TENM3: variants seen among roughly 807,000 people sequenced by gnomAD.
TENM3 encodes teneurin transmembrane protein 3.
A neutral mutation model predicts 255.1 loss-of-function variants in TENM3; 63 were observed. That is an observed-to-expected ratio of 0.25 (90% CI 0.20 to 0.30). The LOEUF (loss-of-function observed/expected upper bound fraction) is 0.30, where lower values mean the gene tolerates loss of function less well. Among genes scored for constraint, TENM3 ranks in the 10% least tolerant of loss-of-function variants. The pLI, the probability that TENM3 is intolerant of heterozygous loss-of-function variation, is 1.00. For missense variants in TENM3, 2,929 were observed against 3,461.1 expected (o/e 0.85, Z 3.86); for synonymous variants, 1,306 against 1,322.3 (o/e 0.99, Z 0.27).
the TENM3 span, among the ~76,000 whole-genome samples, chr4:181,863,603 C>T: frequency 6.6e-6 from 1 of 152,232 alleles, no homozygotes; most frequent in African/African-American, 2.4e-5. Flanking sequence ...CCTTTACACT[C>T]GTCCTTGGGT....
intron 3 of TENM3, among the ~76,000 whole-genome samples, chr4:182,364,338 A>G (rs781504177): frequency 6.6e-6 from 1 of 152,156 alleles, no homozygotes; most frequent in African/African-American, 2.4e-5. Context: ...TAGGATTTAC[A>G]CTTTTATTCT....
At chr4:182,120,482 A>G in the TENM3 span, among the ~76,000 whole-genome samples, 1 of 152,200 alleles carries the variant, frequency 6.6e-6, no homozygotes, top group African/African-American at 2.4e-5. Flanking sequence ...ACGTGTGTGT[A>G]TATACACATG....
At chr4:182,387,751 G>A (rs1768071304) in intron 3 of TENM3, among the ~76,000 whole-genome samples, 1 of 151,424 alleles carries the variant, frequency 6.6e-6, no homozygotes. Context: ...GCGAGACCAC[G>A]AACCCACCAG....
At chr4:182,580,677 G>A (rs940569516) in intron 3 of TENM3, among the ~76,000 whole-genome samples, 1 of 152,144 alleles carries the variant, frequency 6.6e-6, no homozygotes, top group Non-Finnish European at 1.5e-5. Context: ...GGAAGGCATG[G>A]CAGGTATCAT....
At chr4:181,579,836 C>T in the TENM3 span, among the ~76,000 whole-genome samples, 595 of 152,230 alleles carry the variant, frequency 3.9e-3, 6 homozygotes, top group African/African-American at 0.014. Flanking sequence ...TTTCTTCCTT[C>T]ATAGTAAACC....
the TENM3 span, among the ~76,000 whole-genome samples, chr4:181,532,429 A>G: frequency 6.6e-6 from 1 of 152,146 alleles, no homozygotes; most frequent in Non-Finnish European, 1.5e-5. Context: ...AAGGTGATTC[A>G]TCATGCCATC....
At chr4:181,618,906 G>A in the TENM3 span, among the ~76,000 whole-genome samples, 1 of 152,202 alleles carries the variant, frequency 6.6e-6, no homozygotes, top group Non-Finnish European at 1.5e-5. Context: ...AGCAAAACAA[G>A]ACTGCTTGCT....
At chr4:181,906,468 G>A in the TENM3 span, 2 of 168,602 alleles carry the variant, frequency 1.2e-5, no homozygotes, top group African/African-American at 4.8e-5. Flanking sequence ...AGGAGTGATA[G>A]TTATTACTTA....
the TENM3 span, among the ~76,000 whole-genome samples, chr4:181,561,625 T>C: frequency 1.3e-5 from 2 of 152,248 alleles, no homozygotes; most frequent in Non-Finnish European, 2.9e-5. Flanking sequence ...CCTTGTTTTC[T>C]TTTGAACAAC....
At chr4:181,596,983 AGTAC>A in the TENM3 span, among the ~76,000 whole-genome samples, 2 of 152,158 alleles carry the variant, frequency 1.3e-5, no homozygotes, top group Non-Finnish European at 2.9e-5. Flanking sequence ...ACTATTTGGT[AGTAC>A]TTAATATTAA....
the TENM3 span, among the ~76,000 whole-genome samples, chr4:181,643,428 A>C: frequency 6.6e-6 from 1 of 152,198 alleles, no homozygotes; most frequent in African/African-American, 2.4e-5. Context: ...CAATCATGTC[A>C]TCTGCAAACA....
intron 3 of TENM3, among the ~76,000 whole-genome samples, chr4:182,463,015 T>A (rs1012082933): frequency 2.0e-5 from 3 of 152,176 alleles, no homozygotes; most frequent in Non-Finnish European, 4.4e-5. Flanking sequence ...GCAGTCATCC[T>A]ACACAACCCA....
intron 1 of TENM3, among the ~76,000 whole-genome samples, chr4:182,295,025 G>T (rs528012341): frequency 6.6e-6 from 1 of 152,094 alleles, no homozygotes; most frequent in African/African-American, 2.4e-5. Flanking sequence ...GCTACAGTTT[G>T]ACATTTTGAT....
chr4:181,785,090 A>G, the TENM3 span, among the ~76,000 whole-genome samples: 1 of 152,180 alleles, frequency 6.6e-6, no homozygotes, highest in African/African-American at 2.4e-5. Flanking sequence ...GAGGATTTAG[A>G]AAAGGCTTAA....
the TENM3 span, chr4:181,906,040 T>A: frequency 2.3e-6 from 1 of 435,910 alleles, no homozygotes; most frequent in Non-Finnish European, 4.5e-6. Context: ...CAAGTTCTGT[T>A]CTCTCTCAAC....
intron 1 of TENM3, among the ~76,000 whole-genome samples, chr4:182,200,826 C>CT (rs11389090): frequency 0.87 from 117,167 of 135,376 alleles, 51,682 homozygotes; most frequent in Non-Finnish European, 0.95. Context: ...ACTAGAGTGC[C>CT]TTTTTTTTTT....
intron 1 of TENM3, among the ~76,000 whole-genome samples, chr4:182,216,269 T>C (rs1755460342): frequency 6.6e-6 from 1 of 152,226 alleles, no homozygotes; most frequent in Admixed American, 6.5e-5. Flanking sequence ...GGTTTTCTTA[T>C]GGATTCAAAT....
At chr4:182,728,018 G>T (rs115154161) in intron 13 of TENM3, among the ~76,000 whole-genome samples, 2 of 151,758 alleles carry the variant, frequency 1.3e-5, no homozygotes, top group African/African-American at 4.8e-5. Context: ...CTGTCACCCC[G>T]CCTGGCTAAT....
At chr4:181,802,149 A>G in the TENM3 span, among the ~76,000 whole-genome samples, 1 of 152,200 alleles carries the variant, frequency 6.6e-6, no homozygotes, top group African/African-American at 2.4e-5. Flanking sequence ...CAGCCAATCA[A>G]GGCACAGCTT....
Sources: allele counts gnomAD v4.1 joint callset (sites outside exome capture counted in the v4.1 genomes callset), GRCh38; gene constraint gnomAD v4.1.1; transcripts MANE v1.5; gene names NCBI Gene and HGNC (gene_info 2026-07-23, HGNC 2026-07-21).